Variants in FBXL20 observed in about 807,000 individuals in gnomAD.
The protein encoded by FBXL20 is F-box and leucine rich repeat protein 20.
Under a neutral mutation model 64.0 loss-of-function variants are expected in FBXL20, and 11 were observed. The ratio of observed to expected loss-of-function variants is 0.17; its 90% confidence interval spans 0.11 to 0.28. The LOEUF is 0.28. FBXL20 is among the 10% of genes least tolerant of loss of function. The probability of loss-of-function intolerance (pLI) is 1.00; values close to 1 mark genes in which losing one functional copy is unlikely to be tolerated. For missense variants in FBXL20, 303 were observed against 526.2 expected (o/e 0.58, Z 4.15); for synonymous variants, 184 against 189.0 (o/e 0.97, Z 0.22).
chr17:39,320,625 ACTC>A (rs2047346714), intron 2 of FBXL20, among the ~76,000 whole-genome samples: 2 of 131,510 alleles, frequency 1.5e-5, no homozygotes, highest in Admixed American at 1.6e-4. Flanking sequence ...ATAGAGTTTT[ACTC>A]CTGTTGTCCA....
intron 6 of FBXL20, among the ~76,000 whole-genome samples, chr17:39,293,890 T>C (rs1488385966): frequency 6.6e-6 from 1 of 151,898 alleles, no homozygotes; most frequent in African/African-American, 2.4e-5. Context: ...TTTAGCCTCC[T>C]TGAATTCTGA....
At position 39,253,515 on chromosome 17, in the gene FBXL20, C is replaced by G. The variant is rs1330286202; in HGVS notation, c.*7945G>C. ...TTTGGAGTGGGTAGTCACAGATACT[C>G]AGGGCTCCAAGAGCCACACCATGGT... On this transcript the variant is annotated 3_prime_UTR_variant, in exon 15 of 15. Transcript: ENST00000264658. 1 of 152,356 alleles carries G rather than the reference C, an allele frequency of 6.6e-6. No individual in the cohort carries two copies. The highest frequency in any genetic ancestry group is 2.4e-5 in the African/African-American group (1 of 41,448). 9.4% of individuals were successfully genotyped at this position (152,356 alleles called of 1,614,324 possible). A position where few individuals can be genotyped will look rare whatever the true frequency, so the allele number is the denominator to read the frequency against.
rs1050338585 is a variant in FBXL20 at position 39,336,823 on chromosome 17, C to CA, written c.104+6356dup. On this transcript the variant is annotated intron_variant, in intron 2 of 14. Coordinates refer to ENST00000264658, the MANE Select transcript of FBXL20 (RefSeq NM_032875.3). ...TGGGCGACAGTGTGAGACACCATCT[C>CA]AAAAAAAAAAAAGAAAAGAAAAAGA... Among the ~76,000 whole-genome samples, 741 of 122,804 alleles carry CA rather than the reference C, an allele frequency of 6.0e-3. 7 individuals carry two copies. Among genetic ancestry groups the CA allele is most frequent in the African/African-American group, 0.018 (608 of 33,164 alleles). The allele number at this position is 122,804 out of a possible 152,430, so 80.6% of individuals were successfully genotyped here. A position where few individuals can be genotyped will look rare whatever the true frequency, so the allele number is the denominator to read the frequency against.
chr17:39,258,997 G>A lies in FBXL20; in HGVS notation c.*2463C>T, dbSNP rs184139690. On this transcript the variant is annotated 3_prime_UTR_variant, in exon 15 of 15. Coordinates refer to ENST00000264658, the MANE Select transcript of FBXL20 (RefSeq NM_032875.3). The stretch of plus-strand genomic sequence containing the variant: ...GGGAATGAATAAACAAGTAATCTGC[G>A]TTTTTAAAGCGGCACAATAAAACAG... 88 of 152,240 alleles carry A rather than the reference G, an allele frequency of 5.8e-4. No individual in the cohort carries two copies. Among genetic ancestry groups the A allele is most frequent in the African/African-American group, 1.6e-3 (65 of 41,544 alleles). The allele number at this position is 152,240 out of a possible 1,614,324, so 9.4% of individuals were successfully genotyped here. A position where few individuals can be genotyped will look rare whatever the true frequency, so the allele number is the denominator to read the frequency against.
chr17:39,388,315 T>C (rs2048101302), intron 1 of FBXL20, among the ~76,000 whole-genome samples: 2 of 151,644 alleles, frequency 1.3e-5, no homozygotes, highest in Admixed American at 6.6e-5. Flanking sequence ...AAAAAATAGC[T>C]GGGCATGGTG....
chr17:39,382,916 T>C (rs1484605435), intron 1 of FBXL20, among the ~76,000 whole-genome samples: 1 of 151,096 alleles, frequency 6.6e-6, no homozygotes, highest in Non-Finnish European at 1.5e-5. Flanking sequence ...CAGCACTTTG[T>C]GAGGCCGAAG....
intron 6 of FBXL20, among the ~76,000 whole-genome samples, chr17:39,287,149 G>C (rs2046996451): frequency 6.6e-6 from 1 of 151,892 alleles, no homozygotes; most frequent in Non-Finnish European, 1.5e-5. Context: ...CTGACCTTGT[G>C]ATCTGCCCGC....
At chr17:39,322,846 C>T (rs2047370510) in intron 2 of FBXL20, among the ~76,000 whole-genome samples, 1 of 152,146 alleles carries the variant, frequency 6.6e-6, no homozygotes. Flanking sequence ...GCTCTGTCAT[C>T]CAGGCTGGAG....
At chr17:39,394,303 G>C (rs1031423741) in intron 1 of FBXL20, among the ~76,000 whole-genome samples, 8 of 138,272 alleles carry the variant, frequency 5.8e-5, no homozygotes, top group African/African-American at 2.2e-4. Context: ...TTTTGAGACA[G>C]AGTCTCGCTC....
intron 2 of FBXL20, among the ~76,000 whole-genome samples, chr17:39,309,272 C>T (rs924108038): frequency 6.6e-6 from 1 of 152,070 alleles, no homozygotes; most frequent in Non-Finnish European, 1.5e-5. Flanking sequence ...ATTCCAACCC[C>T]GACCACTGTT....
intron 6 of FBXL20, among the ~76,000 whole-genome samples, chr17:39,293,670 T>G (rs1405889135): frequency 2.0e-5 from 3 of 152,174 alleles, no homozygotes; most frequent in Admixed American, 2.0e-4. Flanking sequence ...TGGGTGGAAC[T>G]TCATCCAGCC....
intron 1 of FBXL20, among the ~76,000 whole-genome samples, chr17:39,378,177 A>C (rs1356142417): frequency 1.3e-5 from 2 of 152,244 alleles, no homozygotes; most frequent in Non-Finnish European, 2.9e-5. Flanking sequence ...CAGAGTTGCC[A>C]CATTATAATA....
At chr17:39,355,855 C>CAAAAAAA (rs746086439) in intron 1 of FBXL20, among the ~76,000 whole-genome samples, 1 of 67,584 alleles carries the variant, frequency 1.5e-5, no homozygotes, top group African/African-American at 5.3e-5. Flanking sequence ...GACTTCGTCT[C>CAAAAAAA]AAAAAAAAAA....
chr17:39,321,711 T>G (rs1269687370), intron 2 of FBXL20, among the ~76,000 whole-genome samples: 4 of 145,230 alleles, frequency 2.8e-5, no homozygotes, highest in South Asian at 2.2e-4. Flanking sequence ...ACCTGGGAGG[T>G]GGAGGTTGCA....
At position 39,348,726 on chromosome 17, in the gene FBXL20, GTC is replaced by G. The variant is rs1487359900; in HGVS notation, c.43-5487_43-5486del. On this transcript the variant is annotated intron_variant, in intron 1 of 14. Transcript: ENST00000264658. ...TACATGTTCTTACTTTTGAGACAAG[GTC>G]TCACTCTGTTGCCCAGGTTGGAGTA... Among the ~76,000 whole-genome samples, 7 of 152,250 alleles carry G rather than the reference GTC, an allele frequency of 4.6e-5. No homozygotes were observed. The South Asian group carries it at 1.5e-3, about 32-fold the overall frequency.
At chr17:39,300,233 T>C (rs1340152025) in intron 4 of FBXL20, among the ~76,000 whole-genome samples, 1 of 152,162 alleles carries the variant, frequency 6.6e-6, no homozygotes, top group Non-Finnish European at 1.5e-5. Context: ...TAAAAGCACT[T>C]TGGTTGGTTT....
chr17:39,379,297 A>G (rs2048000156), intron 1 of FBXL20, among the ~76,000 whole-genome samples: 1 of 151,874 alleles, frequency 6.6e-6, no homozygotes, highest in Non-Finnish European at 1.5e-5. Flanking sequence ...GAGAAACTTG[A>G]GCCCTTGTAC....
At position 39,370,279 on chromosome 17, in the gene FBXL20, T is replaced by A. The variant is rs1274914155; in HGVS notation, c.43-27038A>T. On this transcript the variant is annotated intron_variant, in intron 1 of 14. Coordinates refer to ENST00000264658, the MANE Select transcript of FBXL20 (RefSeq NM_032875.3). ...GCCGGGGCGGGCGGATCATCTGAGA[T>A]CAGGAGTTCGAGACCAGCCTGGCCA... Among the ~76,000 whole-genome samples, 3 of 118,532 alleles carry A rather than the reference T, an allele frequency of 2.5e-5. No individual in the cohort carries two copies. The Admixed American group carries it at 2.8e-4, about 11-fold the overall frequency. 77.8% of individuals were successfully genotyped at this position (118,532 alleles called of 152,430 possible).
At chr17:39,351,304 C>A (rs924428950) in intron 1 of FBXL20, among the ~76,000 whole-genome samples, 2 of 149,030 alleles carry the variant, frequency 1.3e-5, no homozygotes, top group Non-Finnish European at 3.0e-5. Context: ...CCATTGCACT[C>A]CAGCTTGGGC....
Sources: gnomAD v4.1 joint callset for allele counts (sites outside exome capture counted in the v4.1 genomes callset) on GRCh38, gnomAD v4.1.1 for gene constraint, MANE v1.5 for transcripts, NCBI Gene and HGNC (gene_info 2026-07-23, HGNC 2026-07-21) for gene names.